Variants in ADCY8 observed in about 807,000 individuals in gnomAD.
ADCY8 encodes the protein adenylate cyclase 8, also known as adenylate cyclase type 8.
Under a neutral mutation model 119.7 loss-of-function variants are expected in ADCY8, and 51 were observed. That is an observed-to-expected ratio of 0.43 (90% confidence interval 0.34 to 0.54). The LOEUF (loss-of-function observed/expected upper bound fraction) is 0.54. ADCY8 is among the 20% of genes least tolerant of loss of function. The pLI is 0.03. For synonymous variants in ADCY8, 665 were observed against 651.0 expected, an observed-to-expected ratio of 1.02 and a Z score of -0.33; for missense variants, 1,383 against 1,598.8, an observed-to-expected ratio of 0.87 and a Z score of 2.30.
intron 12 of ADCY8, among the ~76,000 whole-genome samples, chr8:130,828,080 G>C (rs374253931): frequency 5.3e-5 from 8 of 152,108 alleles, no homozygotes; most frequent in African/African-American, 1.9e-4. Context: ...AACCCCCGGG[G>C]TTATCCAAAG....
At chr8:130,785,787 CA>C (rs1815232209) in intron 15 of ADCY8, among the ~76,000 whole-genome samples, 1 of 152,192 alleles carries the variant, frequency 6.6e-6, no homozygotes, top group Non-Finnish European at 1.5e-5. Flanking sequence ...TACTCAAGGT[CA>C]AAACCAGTCT....
intron 14 of ADCY8, among the ~76,000 whole-genome samples, chr8:130,805,110 A>G (rs1815905573): frequency 6.6e-6 from 1 of 152,210 alleles, no homozygotes; most frequent in African/African-American, 2.4e-5. Context: ...CTGATTGCTT[A>G]AATAAAAATG....
In ADCY8 at chr8:130,865,144, T is replaced by A. The variant is rs143576869; in HGVS notation, c.2210+2702A>T. On this transcript the variant is annotated intron_variant, in intron 9 of 17. Coordinates refer to ENST00000286355, the MANE Select transcript of ADCY8 (RefSeq NM_001115.3). ...GTCTTGCAGTTCTTTCAGCTGTTAG[T>A]ATCCGTGGTTAGTATACAGGGTCCT... 3.9e-5 allele frequency among the ~76,000 whole-genome samples: 6 copies of A among 152,272 alleles called. No homozygotes were observed. The East Asian group carries it at 9.6e-4, about 24-fold the overall frequency.
intron 3 of ADCY8, among the ~76,000 whole-genome samples, chr8:130,949,077 T>C (rs942252055): frequency 1.3e-5 from 2 of 152,052 alleles, no homozygotes; most frequent in African/African-American, 2.4e-5. Context: ...AAACGAAATT[T>C]TAATGTACTG....
chr8:130,840,791 C>G (rs72712465), intron 11 of ADCY8, among the ~76,000 whole-genome samples: 1 of 152,044 alleles, frequency 6.6e-6, no homozygotes, highest in Non-Finnish European at 1.5e-5. Context: ...TTTTCCCAGA[C>G]CTTTTAATGA....
At chr8:130,995,869 G>GAGTTCTAAT (rs1328476344) in intron 1 of ADCY8, among the ~76,000 whole-genome samples, 5 of 152,132 alleles carry the variant, frequency 3.3e-5, no homozygotes, top group African/African-American at 1.2e-4. Context: ...ACTGGATTGT[G>GAGTTCTAAT]AGTTCTAATA....
intron 2 of ADCY8, among the ~76,000 whole-genome samples, chr8:130,984,814 G>T (rs1200355528): frequency 2.0e-5 from 3 of 152,170 alleles, no homozygotes; most frequent in Non-Finnish European, 2.9e-5. Context: ...TCATGAACAG[G>T]CCGAGCTGGT....
chr8:130,822,555 C>CATCCATGA (rs1816547962), intron 12 of ADCY8, among the ~76,000 whole-genome samples: 3 of 150,948 alleles, frequency 2.0e-5, no homozygotes, highest in African/African-American at 7.3e-5. Flanking sequence ...TCCATCCATC[C>CATCCATGA]ATCCATCCAT....
intron 2 of ADCY8, among the ~76,000 whole-genome samples, chr8:130,979,055 G>A (rs1188651900): frequency 6.6e-6 from 1 of 152,150 alleles, no homozygotes; most frequent in Admixed American, 6.5e-5. Context: ...CATGGAATAA[G>A]TAATGTTCTA....
In ADCY8 at chr8:130,992,425, A is replaced by ATT. The variant is rs1822622390; in HGVS notation, c.961-1884_961-1883insAA. On this transcript the variant is annotated intron_variant, in intron 1 of 17. Transcript: ENST00000286355. ...TATATATATATATATATATATATAT[A>ATT]TATATTTGAGATAGGGTCTCACTCT... is the stretch of plus-strand genomic sequence containing the variant. 2.4e-5 allele frequency among the ~76,000 whole-genome samples: 3 copies of ATT among 125,534 alleles called. 1 individual carries two copies. Among genetic ancestry groups the ATT allele is most frequent in the African/African-American group, 1.0e-4 (3 of 29,256 alleles). 82.4% of individuals were successfully genotyped at this position (125,534 alleles called of 152,430 possible).
chr8:130,849,923 G>T (rs993744535), intron 9 of ADCY8, 120 bp from the exon 10 acceptor site: 2 of 1,020,196 alleles, frequency 2.0e-6, no homozygotes, highest in African/African-American at 1.6e-5. Context: ...AGTTCTGTTT[G>T]TCCAAGAAAA....
At chr8:130,955,397 T>C (rs1351454082) in intron 2 of ADCY8, among the ~76,000 whole-genome samples, 1 of 152,126 alleles carries the variant, frequency 6.6e-6, no homozygotes. Context: ...CCAGAGCCAG[T>C]TGGAAGCTTC....
chr8:130,954,992 T>A (rs1172553623), intron 2 of ADCY8, among the ~76,000 whole-genome samples: 1 of 152,006 alleles, frequency 6.6e-6, no homozygotes, highest in East Asian at 1.9e-4. Context: ...TGTGTGAGGG[T>A]TCAAACATTT....
Position 130,847,416 on chromosome 8 carries a change from A to G in ADCY8, c.2502+8T>C, listed in dbSNP as rs1332263026. 1.2e-6 allele frequency: 2 copies of G among 1,606,208 alleles called. No individual in the cohort carries two copies. Among genetic ancestry groups the G allele is most frequent in the South Asian group, 1.1e-5 (1 of 90,016 alleles). ...AACTCTCACCAAGGGGAGCTCATAA[A>G]TAAATACCTCTGGGTAGGAGCAGAT... is the stretch of plus-strand genomic sequence containing the variant. On this transcript the variant is annotated splice_region_variant and intron_variant, in intron 11 of 17. Coordinates refer to ENST00000286355, the MANE Select transcript of ADCY8 (RefSeq NM_001115.3).
rs180918085 is a variant in ADCY8, at chr8:131,007,581, C to A, written c.961-17039G>T. ...GAAACCTCCTAGAGCTTAGCAGTCA[C>A]CAGCATACAGTAGATGCCCAGTAAA... On this transcript the variant is annotated intron_variant, in intron 1 of 17. Coordinates refer to ENST00000286355, the MANE Select transcript of ADCY8 (RefSeq NM_001115.3). Among the ~76,000 whole-genome samples the A allele has an allele frequency of 3.2e-3, 480 of 152,302 alleles. 1 individual carries two copies. Among genetic ancestry groups the A allele is most frequent in the African/African-American group, 0.011 (465 of 41,564 alleles).
At chr8:130,909,035 A>G (rs1391541251) in intron 6 of ADCY8, among the ~76,000 whole-genome samples, 11 of 67,384 alleles carry the variant, frequency 1.6e-4, no homozygotes, top group East Asian at 5.5e-4. Context: ...CCATCCATCC[A>G]TCCACCATCC....
At position 130,884,731 on chromosome 8, in the gene ADCY8, T is replaced by A. The variant is rs765856010; in HGVS notation, c.1942A>T (p.Asn648Tyr). Residue 648 changes from asparagine to tyrosine, a missense_variant, in exon 8 of 18, where the codon AAT becomes TAT. Physicochemically the swap from Asn to Tyr is moderately radical, Grantham distance 143. Transcript: ENST00000286355. Reference protein sequence around the residue: ...TLAALTRNSINLLPNHLAQAL... With the variant: ...TLAALTRNSIYLLPNHLAQAL... ...TGTGCAAGATGGTTTGGAAGCAGAT[T>A]TATTGAATTTCTTGTTAGGGCAGCC... is the stretch of plus-strand genomic sequence containing the variant. 6.2e-7 allele frequency: 1 copy of A among 1,613,900 alleles called. No homozygotes were observed. The highest frequency in any genetic ancestry group is 8.5e-7 in the Non-Finnish European group (1 of 1,179,818).
chr8:130,857,854 C>T (rs750024374), intron 9 of ADCY8, among the ~76,000 whole-genome samples: 6 of 152,142 alleles, frequency 3.9e-5, no homozygotes, highest in Non-Finnish European at 7.3e-5. Flanking sequence ...ACTGGTTTCT[C>T]TCACTTTTTT....
intron 12 of ADCY8, among the ~76,000 whole-genome samples, chr8:130,822,744 C>T (rs967070507): frequency 2.6e-5 from 4 of 152,182 alleles, no homozygotes; most frequent in African/African-American, 4.8e-5. Flanking sequence ...GGTTTGGACT[C>T]GTGAAGATCC....
Sources: allele counts gnomAD v4.1 joint callset (sites outside exome capture counted in the v4.1 genomes callset), GRCh38; gene constraint gnomAD v4.1.1; transcripts MANE v1.5; gene names NCBI Gene and HGNC (gene_info 2026-07-23, HGNC 2026-07-21).